The following CPED1 variants were observed in gnomAD, a reference collection of about 807,000 sequenced individuals.
The protein encoded by CPED1 is cadherin-like and PC-esterase domain-containing protein 1.
In CPED1, 114 loss-of-function variants were observed where a neutral mutation model predicts 128.2. The ratio of observed to expected loss-of-function variants is 0.89; its 90% CI spans 0.76 to 1.04. The LOEUF is 1.04. Ranked by LOEUF, CPED1 falls within the 50% of genes least tolerant of loss-of-function variation. CPED1 has a pLI of 0.00. For missense variants in CPED1, 1,211 were observed against 1,207.1 expected (o/e 1.00, Z -0.05); for synonymous variants, 462 against 426.7 (o/e 1.08, Z -1.02).
At chr7:121,207,337 G>A (rs935030189) in intron 16 of CPED1, among the ~76,000 whole-genome samples, 1 of 151,972 alleles carries the variant, frequency 6.6e-6, no homozygotes, top group Non-Finnish European at 1.5e-5. Flanking sequence ...TGTAAGCAAT[G>A]TATAAGTGTG....
intron 5 of CPED1, among the ~76,000 whole-genome samples, chr7:121,066,917 T>G (rs531804112): frequency 3.3e-5 from 5 of 152,148 alleles, no homozygotes; most frequent in Non-Finnish European, 5.9e-5. Context: ...TGAAGTGATA[T>G]GCAGGCATTG....
chr7:121,172,661 C>CATAGATAGATAG (rs6150319), intron 16 of CPED1, among the ~76,000 whole-genome samples: 41,944 of 144,978 alleles, frequency 0.29, 6,283 homozygotes, highest in East Asian at 0.32. Flanking sequence ...TGGATGGATA[C>CATAGATAGATAG]ATAGATAGAT....
chr7:121,217,123 A>T, intron 16 of CPED1, among the ~76,000 whole-genome samples: 1 of 151,780 alleles, frequency 6.6e-6, no homozygotes, highest in East Asian at 1.9e-4. Context: ...GTGCAGTGTC[A>T]TGATCATAGA....
intron 7 of CPED1, among the ~76,000 whole-genome samples, chr7:121,107,877 A>T (rs1795016063): frequency 6.6e-6 from 1 of 152,158 alleles, no homozygotes; most frequent in African/African-American, 2.4e-5. Context: ...TGTGCCAACT[A>T]GGTAAAACTG....
At chr7:121,037,814 A>T (rs552242993) in intron 3 of CPED1, among the ~76,000 whole-genome samples, 72 of 152,116 alleles carry the variant, frequency 4.7e-4, no homozygotes, top group Admixed American at 6.6e-4. Context: ...GATTTCTTTC[A>T]GCAGTGTTTT....
chr7:121,229,081 G>T (rs1031015449), intron 16 of CPED1, among the ~76,000 whole-genome samples: 1 of 151,868 alleles, frequency 6.6e-6, no homozygotes, highest in Non-Finnish European at 1.5e-5. Flanking sequence ...TCAGAGTAGG[G>T]TGACTACAGC....
chr7:121,100,046 G>T lies in CPED1; in HGVS notation c.870G>T (p.Ser290=), dbSNP rs774206526. 3.1e-6 allele frequency: 5 copies of T among 1,613,352 alleles called. No homozygotes were observed. Among genetic ancestry groups the T allele is most frequent in the Non-Finnish European group, 4.2e-6 (5 of 1,179,750 alleles). ...CCCCTTTGCGTGCATTCATTCATTC[G>T]ACGGGCACAGTTTGGAATCCACCAA... is the stretch of plus-strand genomic sequence containing the variant. ...SLTPLRAFIH[S]TGTVWNPPKK... The change falls in exon 7 of 23, where the codon TCG becomes TCT. Residue 290 remains serine, a synonymous_variant. Transcript: ENST00000310396.
At chr7:121,039,919 T>C (rs1044109543) in intron 3 of CPED1, among the ~76,000 whole-genome samples, 6 of 152,020 alleles carry the variant, frequency 3.9e-5, no homozygotes, top group African/African-American at 1.4e-4. Flanking sequence ...AACCTATGAG[T>C]AGCTTAGAAA....
chr7:121,133,860 C>A lies in CPED1; in HGVS notation c.1615C>A (p.Gln539Lys). Residue 539 changes from glutamine to lysine, a missense_variant, in exon 13 of 23, where the codon CAA (glutamine) becomes AAA (lysine). Coordinates refer to ENST00000310396, the MANE Select transcript of CPED1 (RefSeq NM_024913.5). ...AGAAGATAAGAACATTGAAAAACCA[C>A]AAGTGCCATTTGATGCAATAGAAAA... ...FTEDKNIEKP[Q>K]VPFDAIENKK... 6.3e-7 allele frequency: 1 copy of A among 1,599,082 alleles called. No individual in the cohort carries two copies. The highest frequency in any genetic ancestry group is 8.5e-7 in the Non-Finnish European group (1 of 1,169,972).
intron 14 of CPED1, among the ~76,000 whole-genome samples, chr7:121,139,977 A>G (rs1584541546): frequency 1.3e-5 from 2 of 151,994 alleles, no homozygotes; most frequent in African/African-American, 4.8e-5. Context: ...GATGGAATGA[A>G]ATACTCCTTG....
At chr7:121,237,025 T>C (rs1798275227) in intron 17 of CPED1, among the ~76,000 whole-genome samples, 194 bp downstream of exon 17, 1 of 152,156 alleles carries the variant, frequency 6.6e-6, no homozygotes, top group Admixed American at 6.6e-5. Context: ...ATTATTTTCT[T>C]CTCCCCTTTT....
At chr7:121,039,749 G>T (rs1010899670) in intron 3 of CPED1, among the ~76,000 whole-genome samples, 14 of 151,894 alleles carry the variant, frequency 9.2e-5, no homozygotes, top group South Asian at 4.1e-4. Flanking sequence ...AAAAAAACTA[G>T]GAGGGAACTT....
At chr7:121,130,364 T>C in intron 12 of CPED1, 70 bp downstream of exon 12, 1 of 1,333,598 alleles carries the variant, frequency 7.5e-7, no homozygotes, top group Non-Finnish European at 1.0e-6. Flanking sequence ...TTCAAAAGGC[T>C]TTGCCTATGT....
chr7:121,034,887 T>C (rs1387052537), intron 3 of CPED1, among the ~76,000 whole-genome samples: 1 of 152,068 alleles, frequency 6.6e-6, no homozygotes, highest in East Asian at 1.9e-4. Context: ...TCAGGTAAAA[T>C]AGAAGCAGTC....
intron 3 of CPED1, among the ~76,000 whole-genome samples, chr7:121,042,147 A>G (rs2116890559): frequency 6.6e-6 from 1 of 152,124 alleles, no homozygotes; most frequent in South Asian, 2.1e-4. Context: ...AAAAAAACTA[A>G]GAAAGTTTTA....
intron 10 of CPED1, among the ~76,000 whole-genome samples, chr7:121,127,733 A>G (rs748239541): frequency 1.3e-5 from 2 of 151,954 alleles, no homozygotes; most frequent in East Asian, 1.9e-4. Flanking sequence ...ACGGGGTTTC[A>G]TCATGTTGGC....
At chr7:121,179,558 AT>A (rs1270657028) in intron 16 of CPED1, among the ~76,000 whole-genome samples, 2 of 152,118 alleles carry the variant, frequency 1.3e-5, no homozygotes, top group African/African-American at 4.8e-5. Context: ...TCATGTGTCT[AT>A]ACCTTTAAGC....
intron 16 of CPED1, among the ~76,000 whole-genome samples, chr7:121,214,666 T>C (rs906653185): frequency 6.6e-6 from 1 of 152,100 alleles, no homozygotes; most frequent in African/African-American, 2.4e-5. Flanking sequence ...AGGACTGTCA[T>C]GTCGTAGATA....
Position 121,072,134 on chromosome 7 carries a change from T to G in CPED1, c.616+7821T>G, listed in dbSNP as rs183073866. 3.2e-3 allele frequency among the ~76,000 whole-genome samples: 478 copies of G among 149,038 alleles called. 3 individuals carry two copies. The highest frequency in any genetic ancestry group is 0.01 in the African/African-American group (425 of 40,494). ...AAACACCTGGAACATTCTTTCACAC[T>G]AGCGCTTAAGCCACCAACCAATTCT... On this transcript the variant is annotated intron_variant, in intron 5 of 22. Transcript: ENST00000310396.
Sources: gnomAD v4.1 joint callset for allele counts (sites outside exome capture counted in the v4.1 genomes callset) on GRCh38, gnomAD v4.1.1 for gene constraint, MANE v1.5 for transcripts, NCBI Gene and HGNC (gene_info 2026-07-23, HGNC 2026-07-21) for gene names.